The following AIDA variants were observed in gnomAD, a reference collection of about 807,000 sequenced individuals.
AIDA encodes the protein axin interactor, dorsalization associated, also known as axin interactor, dorsalization-associated protein.
In AIDA, 18 loss-of-function variants were observed where a neutral mutation model predicts 42.7. That is an observed-to-expected ratio of 0.42 (90% CI 0.29 to 0.63). The LOEUF (loss-of-function observed/expected upper bound fraction) is 0.63, where lower values mean the gene tolerates loss of function less well. AIDA is among the 20% of genes least tolerant of loss of function. The pLI is 0.19. For synonymous variants in AIDA, 104 were observed against 122.9 expected (o/e 0.85, Z 1.02); for missense variants, 250 against 354.1 (o/e 0.71, Z 2.36).
intron 1 of AIDA, chr1:222,711,569 C>T (rs1656040551): frequency 6.6e-6 from 1 of 152,224 alleles, no homozygotes; most frequent in Non-Finnish European, 1.5e-5. Context: ...GTCCCAGAAA[C>T]CGAAACGAAA....
intron 5 of AIDA, 63 bp from the exon 6 acceptor site, chr1:222,687,099 A>G (rs1226010860): frequency 6.4e-7 from 1 of 1,567,190 alleles, no homozygotes; most frequent in African/African-American, 1.4e-5. Flanking sequence ...GTGAAGCCTC[A>G]CAGACACTCG....
chr1:222,711,867 A>C, intron 1 of AIDA: 2 of 261,598 alleles, frequency 7.6e-6, no homozygotes, highest in Non-Finnish European at 1.5e-5. Flanking sequence ...AGGAGGAGGA[A>C]AGGAAACTGA....
intron 2 of AIDA, among the ~76,000 whole-genome samples, chr1:222,698,534 C>A (rs189003646): frequency 6.6e-6 from 1 of 150,794 alleles, no homozygotes; most frequent in African/African-American, 2.4e-5. Flanking sequence ...TCACTGCAAC[C>A]TCTGCCTCCC....
intron 5 of AIDA, 111 bp downstream of exon 5, chr1:222,687,483 GT>G (rs1655231376): frequency 6.6e-6 from 6 of 911,762 alleles, no homozygotes; most frequent in Non-Finnish European, 9.8e-6. Flanking sequence ...TGTTATCATT[GT>G]TGATGTCAAT....
At chr1:222,676,511 T>C (rs1176161716) in intron 6 of AIDA, among the ~76,000 whole-genome samples, 3 of 152,236 alleles carry the variant, frequency 2.0e-5, no homozygotes, top group Non-Finnish European at 4.4e-5. Context: ...TAATTAATAA[T>C]AAACTCACAT....
chr1:222,689,101 AAAATT>A (rs2124958226), intron 4 of AIDA, among the ~76,000 whole-genome samples: 1 of 152,138 alleles, frequency 6.6e-6, no homozygotes, highest in South Asian at 2.1e-4. Flanking sequence ...AGTAAAAACA[AAAATT>A]AAAATAGAAA....
intron 6 of AIDA, 49 bp downstream of exon 6, chr1:222,686,881 G>T: frequency 1.3e-6 from 2 of 1,577,384 alleles, no homozygotes; most frequent in Non-Finnish European, 1.7e-6. Context: ...CAAACACCCT[G>T]ACTCTGGTTG....
At chr1:222,700,974 G>GGGA (rs1558215312) in intron 2 of AIDA, among the ~76,000 whole-genome samples, 7 of 146,718 alleles carry the variant, frequency 4.8e-5, no homozygotes, top group African/African-American at 1.5e-4. Flanking sequence ...TTTTTTTTGG[G>GGGA]GGGGGGGGGA....
At chr1:222,688,557 G>T (rs1655262000) in intron 4 of AIDA, among the ~76,000 whole-genome samples, 1 of 151,154 alleles carries the variant, frequency 6.6e-6, no homozygotes, top group Non-Finnish European at 1.5e-5. Flanking sequence ...TACATTTTTT[G>T]TCATTATTTT....
intron 8 of AIDA, among the ~76,000 whole-genome samples, chr1:222,672,509 T>C (rs1162230397): frequency 6.6e-6 from 1 of 152,102 alleles, no homozygotes; most frequent in East Asian, 1.9e-4. Flanking sequence ...TCCCCATGGT[T>C]TCGGATTCAG....
At chr1:222,708,030 C>T (rs61824331) in intron 1 of AIDA, among the ~76,000 whole-genome samples, 82,012 of 151,988 alleles carry the variant, frequency 0.54, 25,187 homozygotes, top group Non-Finnish European at 0.68. Flanking sequence ...CAAGTGGGGC[C>T]GGGCCTGGTG....
intron 1 of AIDA, among the ~76,000 whole-genome samples, chr1:222,704,728 A>G (rs1469243527): frequency 1.3e-5 from 2 of 152,182 alleles, no homozygotes; most frequent in African/African-American, 2.4e-5. Context: ...AGACAGTGGA[A>G]ATGGTTGTAC....
chr1:222,681,895 C>T (rs1017173224), intron 6 of AIDA, among the ~76,000 whole-genome samples: 2 of 152,140 alleles, frequency 1.3e-5, no homozygotes, highest in Non-Finnish European at 2.9e-5. Flanking sequence ...AGCGGAGGAA[C>T]ATCTGAGGCC....
chr1:222,671,913 C>T (rs1664455981), intron 8 of AIDA, among the ~76,000 whole-genome samples: 1 of 152,166 alleles, frequency 6.6e-6, no homozygotes, highest in Non-Finnish European at 1.5e-5. Flanking sequence ...AGTCACGTTT[C>T]AAAACAATAC....
intron 2 of AIDA, among the ~76,000 whole-genome samples, chr1:222,701,432 TTC>T (rs1265790345): frequency 2.6e-5 from 4 of 152,226 alleles, no homozygotes; most frequent in Non-Finnish European, 4.4e-5. Flanking sequence ...TAAGTTTTCA[TTC>T]TGTTTCCATA....
chr1:222,670,244 G>C lies in AIDA; in HGVS notation c.713C>G (p.Ala238Gly), dbSNP rs1430644988. 7 of 1,612,948 alleles carry C rather than the reference G, an allele frequency of 4.3e-6. 1 individual carries two copies. Among genetic ancestry groups the C allele is most frequent in the Middle Eastern group, 1.6e-4 (1 of 6,082 alleles). Residue 238 changes from alanine (A) to glycine (G), a missense_variant, in exon 9 of 10, where the codon GCT becomes GGT. Transcript: ENST00000340020. ...GTAGTGTTTGAATTCAAAGAAGATA[G>C]CTGCACCTAAGGAATTAAAACAAGC... ...KHVEKLTKGAAIFFEFKHYKP... is the reference protein window; with the variant it reads ...KHVEKLTKGAGIFFEFKHYKP...
chr1:222,686,862 A>G, intron 6 of AIDA, 68 bp downstream of exon 6: 1 of 1,542,530 alleles, frequency 6.5e-7, no homozygotes, highest in East Asian at 2.4e-5. Context: ...CAAATACCAA[A>G]GAAAGTTTCA....
chr1:222,678,235 G>A (rs927650683), intron 6 of AIDA, among the ~76,000 whole-genome samples: 9 of 139,570 alleles, frequency 6.4e-5, no homozygotes, highest in African/African-American at 2.5e-4. Flanking sequence ...GTGTGTGTGT[G>A]TACTATCTGT....
At chr1:222,683,691 A>G (rs947323406) in intron 6 of AIDA, among the ~76,000 whole-genome samples, 7 of 152,164 alleles carry the variant, frequency 4.6e-5, no homozygotes, top group Non-Finnish European at 1.0e-4. Context: ...TTATCATTTT[A>G]TAGCTTTACT....
Sources: allele counts gnomAD v4.1 joint callset (sites outside exome capture counted in the v4.1 genomes callset), GRCh38; gene constraint gnomAD v4.1.1; transcripts MANE v1.5; gene names NCBI Gene and HGNC (gene_info 2026-07-23, HGNC 2026-07-21).